Variants in CNTLN observed in about 807,000 individuals in gnomAD.
CNTLN encodes the protein centlein, centrosomal protein.
Under a neutral mutation model 180.0 loss-of-function variants are expected in CNTLN, and 212 were observed. The observed-to-expected ratio is 1.18, with a 90% CI of 1.05 to 1.32. CNTLN has a LOEUF of 1.32. Ranked by LOEUF, CNTLN falls within the 40% of genes most tolerant of loss-of-function variation. CNTLN has a pLI of 0.00. For missense variants in CNTLN, 2,095 were observed against 1,610.9 expected (o/e 1.30, Z -5.14); for synonymous variants, 722 against 563.1 (o/e 1.28, Z -3.99).
chr9:17,260,632 A>G (rs1826893183), intron 5 of CNTLN, among the ~76,000 whole-genome samples: 1 of 150,950 alleles, frequency 6.6e-6, no homozygotes, highest in South Asian at 2.1e-4. Flanking sequence ...TTGACTGTTT[A>G]CTCTTTGATA....
At chr9:17,188,565 GTA>G (rs1821581901) in intron 2 of CNTLN, among the ~76,000 whole-genome samples, 3 of 152,122 alleles carry the variant, frequency 2.0e-5, no homozygotes, top group Admixed American at 1.3e-4. Context: ...TTATGAAGCA[GTA>G]TTTCAGTGAA....
At chr9:17,358,470 T>G (rs1297607213) in intron 12 of CNTLN, among the ~76,000 whole-genome samples, 13 of 152,112 alleles carry the variant, frequency 8.5e-5, no homozygotes, top group Non-Finnish European at 1.9e-4. Flanking sequence ...TACACATTTG[T>G]AAAAATATAG....
intron 2 of CNTLN, among the ~76,000 whole-genome samples, chr9:17,179,977 A>G (rs1821017424): frequency 6.6e-6 from 1 of 152,110 alleles, no homozygotes; most frequent in Non-Finnish European, 1.5e-5. Flanking sequence ...TTCAATGTTA[A>G]TATAACCACT....
chr9:17,399,973 C>T (rs1004946337), intron 15 of CNTLN, among the ~76,000 whole-genome samples: 10 of 152,114 alleles, frequency 6.6e-5, no homozygotes, highest in African/African-American at 2.2e-4. Flanking sequence ...ACCGTTTCTT[C>T]GGGTCCTCAT....
chr9:17,403,520 C>G (rs1204373345), intron 15 of CNTLN, among the ~76,000 whole-genome samples: 2 of 147,640 alleles, frequency 1.4e-5, no homozygotes, highest in Non-Finnish European at 3.0e-5. Flanking sequence ...TACAGTAGGC[C>G]TCTTCCATCA....
At chr9:17,169,191 G>A (rs1192283787) in intron 2 of CNTLN, among the ~76,000 whole-genome samples, 1 of 151,932 alleles carries the variant, frequency 6.6e-6, no homozygotes, top group Non-Finnish European at 1.5e-5. Context: ...GTACACATGG[G>A]GTCTTGCTGT....
chr9:17,193,894 T>G (rs113370993), intron 2 of CNTLN, among the ~76,000 whole-genome samples: 1 of 152,336 alleles, frequency 6.6e-6, no homozygotes, highest in South Asian at 2.1e-4. Flanking sequence ...TTCTGAAATC[T>G]AGGCGGAAGT....
At chr9:17,410,889 A>G (rs1333878901) in intron 16 of CNTLN, among the ~76,000 whole-genome samples, 1 of 152,142 alleles carries the variant, frequency 6.6e-6, no homozygotes, top group Admixed American at 6.5e-5. Context: ...TAAATGTATC[A>G]GTATCATGCT....
chr9:17,297,826 G>A (rs1056971519), intron 6 of CNTLN, among the ~76,000 whole-genome samples: 1 of 152,086 alleles, frequency 6.6e-6, no homozygotes, highest in African/African-American at 2.4e-5. Context: ...AAAGGTTGAC[G>A]TACCCTTTGT....
At chr9:17,370,337 G>A (rs1017530853) in intron 13 of CNTLN, among the ~76,000 whole-genome samples, 6 of 152,150 alleles carry the variant, frequency 3.9e-5, no homozygotes, top group African/African-American at 9.6e-5. Flanking sequence ...ATACAATGGA[G>A]CTTCAATATG....
At chr9:17,211,997 C>T (rs1399185471) in intron 2 of CNTLN, among the ~76,000 whole-genome samples, 1 of 152,178 alleles carries the variant, frequency 6.6e-6, no homozygotes, top group Admixed American at 6.5e-5. Flanking sequence ...ATGTCGTCTG[C>T]AAACAGGGAC....
At chr9:17,145,523 A>G (rs745384707) in intron 2 of CNTLN, among the ~76,000 whole-genome samples, 1 of 152,160 alleles carries the variant, frequency 6.6e-6, no homozygotes, top group Non-Finnish European at 1.5e-5. Context: ...GGTCTGTTTA[A>G]TTTTTAAACC....
At chr9:17,265,476 C>T (rs1318218211) in intron 5 of CNTLN, among the ~76,000 whole-genome samples, 1 of 150,660 alleles carries the variant, frequency 6.6e-6, no homozygotes, top group African/African-American at 2.5e-5. Context: ...CATCAATGTT[C>T]ATCAAGGATA....
chr9:17,493,268 C>T (rs1962516), intron 25 of CNTLN, among the ~76,000 whole-genome samples: 42,916 of 151,818 alleles, frequency 0.28, 7,236 homozygotes, highest in South Asian at 0.49. Flanking sequence ...TTTAAAAAAT[C>T]TAAAGTAGGA....
chr9:17,463,067 G>A, intron 20 of CNTLN, 54 bp downstream of exon 20: 1 of 1,033,644 alleles, frequency 9.7e-7, no homozygotes, highest in Admixed American at 2.4e-5. Context: ...GTGGCAACCA[G>A]CTCTATTAAA....
chr9:17,262,880 T>C (rs1827109359), intron 5 of CNTLN, among the ~76,000 whole-genome samples: 1 of 151,464 alleles, frequency 6.6e-6, no homozygotes, highest in South Asian at 2.1e-4. Context: ...TGGGGTGTGT[T>C]CCGTCAATAC....
chr9:17,195,282 A>G (rs761881624), intron 2 of CNTLN, among the ~76,000 whole-genome samples: 1 of 152,228 alleles, frequency 6.6e-6, no homozygotes, highest in Admixed American at 6.5e-5. Flanking sequence ...GAGAGGTCAT[A>G]CTAATGATTT....
intron 2 of CNTLN, among the ~76,000 whole-genome samples, chr9:17,179,263 AG>A (rs1474202086): frequency 6.9e-6 from 1 of 144,348 alleles, no homozygotes; most frequent in Non-Finnish European, 1.5e-5. Flanking sequence ...AAAAAAAAAA[AG>A]AAGAAGTGTA....
At chr9:17,205,927 T>C (rs531516037) in intron 2 of CNTLN, among the ~76,000 whole-genome samples, 56 of 152,306 alleles carry the variant, frequency 3.7e-4, no homozygotes, top group African/African-American at 1.2e-3. Context: ...GATTACAACA[T>C]GTTCAAGCCT....
Sources: gnomAD v4.1 joint callset for allele counts (sites outside exome capture counted in the v4.1 genomes callset) on GRCh38, gnomAD v4.1.1 for gene constraint, MANE v1.5 for transcripts, NCBI Gene and HGNC (gene_info 2026-07-23, HGNC 2026-07-21) for gene names.